Variants in UTS2B observed in about 807,000 individuals in gnomAD.
UTS2B encodes urotensin-2B.
Under a neutral mutation model 19.2 loss-of-function variants are expected in UTS2B, and 21 were observed. The observed-to-expected ratio is 1.09, with a 90% CI of 0.78 to 1.58. The LOEUF (loss-of-function observed/expected upper bound fraction) is 1.58, where lower values mean the gene tolerates loss of function less well. UTS2B is among the 40% of genes most tolerant of loss of function. The pLI is 0.00. For missense variants in UTS2B, 138 were observed against 130.3 expected (o/e 1.06, Z -0.29); for synonymous variants, 57 against 50.2 (o/e 1.14, Z -0.58).
intron 2 of UTS2B, among the ~76,000 whole-genome samples, chr3:191,320,650 A>G (rs1298437451): frequency 6.6e-6 from 1 of 152,242 alleles, no homozygotes; most frequent in East Asian, 1.9e-4. Context: ...CGGTAGCAGC[A>G]GTCAGGAGAT....
intron 3 of UTS2B, 40 bp from the exon 4 acceptor site, chr3:191,304,588 T>C (rs1717088140): frequency 6.6e-6 from 1 of 152,240 alleles, no homozygotes; most frequent in African/African-American, 2.4e-5. Flanking sequence ...TATAATGCTC[T>C]CGTATCCTCT....
At chr3:191,281,012 T>C (rs1304928848) in intron 5 of UTS2B, among the ~76,000 whole-genome samples, 1 of 152,140 alleles carries the variant, frequency 6.6e-6, no homozygotes, top group African/African-American at 2.4e-5. Context: ...TCCTCATAAA[T>C]AAATAATAAG....
At chr3:191,335,373 C>T (rs1711503128), upstream of UTS2B, among the ~76,000 whole-genome samples, 1 of 152,096 alleles carries the variant, frequency 6.6e-6, no homozygotes, top group African/African-American at 2.4e-5. Flanking sequence ...ACTGGTGACT[C>T]GTTTAAAGGT....
At chr3:191,293,892 T>C (rs1025473806) in intron 4 of UTS2B, among the ~76,000 whole-genome samples, 1 of 151,812 alleles carries the variant, frequency 6.6e-6, no homozygotes, top group Non-Finnish European at 1.5e-5. Context: ...GCGGATCTCC[T>C]GAGGTCAGGA....
chr3:191,343,190 C>T, the UTS2B span, among the ~76,000 whole-genome samples: 1 of 152,140 alleles, frequency 6.6e-6, no homozygotes, highest in African/African-American at 2.4e-5. Flanking sequence ...GAACCAGTCC[C>T]CCTCACGTAT....
chr3:191,270,213 C>T (rs6444531), intron 8 of UTS2B, among the ~76,000 whole-genome samples: 79,113 of 151,986 alleles, frequency 0.52, 21,369 homozygotes, highest in Non-Finnish European at 0.59. Context: ...TCATGTATAA[C>T]GTGGATTATG....
intron 4 of UTS2B, among the ~76,000 whole-genome samples, chr3:191,296,103 C>T (rs1419323173): frequency 6.6e-6 from 1 of 152,150 alleles, no homozygotes; most frequent in Non-Finnish European, 1.5e-5. Flanking sequence ...CATTACCCGC[C>T]TTCACCCACC....
chr3:191,329,356 T>G, intron 1 of UTS2B: 1 of 302,854 alleles, frequency 3.3e-6, no homozygotes, highest in Non-Finnish European at 6.0e-6. Context: ...CCCGCCTTTC[T>G]GTCTCCTCTC....
intron 3 of UTS2B, among the ~76,000 whole-genome samples, chr3:191,314,183 A>G (rs918513476): frequency 1.3e-5 from 2 of 152,168 alleles, no homozygotes; most frequent in Non-Finnish European, 2.9e-5. Flanking sequence ...CCGTATTTCC[A>G]GTGACAATTC....
chr3:191,281,789 A>C (rs1199454741), intron 5 of UTS2B, among the ~76,000 whole-genome samples: 1 of 151,774 alleles, frequency 6.6e-6, no homozygotes, highest in Admixed American at 6.6e-5. Flanking sequence ...ATCTTTGGTC[A>C]GGGACTACAA....
intron 8 of UTS2B, 152 bp from the exon 9 acceptor site, chr3:191,268,593 G>A (rs1040754827): frequency 2.4e-5 from 13 of 545,078 alleles, no homozygotes; most frequent in Middle Eastern, 4.8e-4. Flanking sequence ...GGATCTTTAA[G>A]TTAATCACAA....
In UTS2B at chr3:191,317,704, G is replaced by A. The variant is rs556316290; in HGVS notation, c.-585-1265C>T. On this transcript the variant is annotated intron_variant, in intron 2 of 8. Transcript: ENST00000340524. ...TGCGATTCTCCTTACTCAGCCTCCC[G>A]AGAAGCTGGGCCTACAGGCATGCAC... Among the ~76,000 whole-genome samples, 518 of 152,138 alleles carry A rather than the reference G, an allele frequency of 3.4e-3. 3 individuals carry two copies. Among genetic ancestry groups the A allele is most frequent in the Non-Finnish European group, 4.5e-3 (306 of 67,994 alleles).
Position 191,278,057 on chromosome 3 carries a change from T to G in UTS2B, c.202+15A>C. 7.2e-7 allele frequency: 1 copy of G among 1,379,446 alleles called. No individual in the cohort carries two copies. 85.5% of individuals were successfully genotyped at this position (1,379,446 alleles called of 1,614,324 possible). On this transcript the variant is annotated intron_variant, in intron 6 of 8. Transcript: ENST00000340524. Reference sequence around the variant, plus strand: ...ATTTTTTAATAAATAGAGCTTGACTTTATGTTTAACTCACCAGTGTTGAAA... The same window carrying G: ...ATTTTTTAATAAATAGAGCTTGACTGTATGTTTAACTCACCAGTGTTGAAA...
At chr3:191,302,105 C>G (rs1253634227) in intron 4 of UTS2B, among the ~76,000 whole-genome samples, 1 of 152,164 alleles carries the variant, frequency 6.6e-6, no homozygotes. Context: ...AAATAGGATG[C>G]AATCGAAAAG....
upstream of UTS2B, among the ~76,000 whole-genome samples, chr3:191,334,090 A>G (rs573325640): frequency 1.9e-4 from 29 of 152,270 alleles, no homozygotes; most frequent in South Asian, 3.5e-3. Flanking sequence ...GTACAAAGCA[A>G]TATCACTCAA....
intron 3 of UTS2B, among the ~76,000 whole-genome samples, chr3:191,309,545 CTG>C (rs1717233462): frequency 6.6e-6 from 1 of 152,122 alleles, no homozygotes; most frequent in African/African-American, 2.4e-5. Context: ...CCTTGGAAGA[CTG>C]ATATGGTTTG....
chr3:191,337,894 G>A, the UTS2B span, among the ~76,000 whole-genome samples: 1 of 151,920 alleles, frequency 6.6e-6, no homozygotes, highest in Non-Finnish European at 1.5e-5. Context: ...TGTGAATGAA[G>A]TATCATTTCA....
intron 3 of UTS2B, among the ~76,000 whole-genome samples, chr3:191,315,238 C>T (rs1717417014): frequency 6.6e-6 from 1 of 152,138 alleles, no homozygotes; most frequent in Non-Finnish European, 1.5e-5. Flanking sequence ...GTCTCGAACT[C>T]CTGACCTCAG....
chr3:191,308,335 C>G (rs1401030460), intron 3 of UTS2B, among the ~76,000 whole-genome samples: 1 of 152,142 alleles, frequency 6.6e-6, no homozygotes, highest in Admixed American at 6.5e-5. Flanking sequence ...ACTACAGAAC[C>G]TTCTCTTGTA....
Sources: gnomAD v4.1 joint callset for allele counts (sites outside exome capture counted in the v4.1 genomes callset) on GRCh38, gnomAD v4.1.1 for gene constraint, MANE v1.5 for transcripts, NCBI Gene and HGNC (gene_info 2026-07-23, HGNC 2026-07-21) for gene names.